The following TMTC3 variants were observed in gnomAD, a reference collection of about 807,000 sequenced individuals.
TMTC3 encodes the protein transmembrane O-mannosyltransferase targeting cadherins 3, also known as protein O-mannosyl-transferase TMTC3.
Under a neutral mutation model 92.2 loss-of-function variants are expected in TMTC3, and 52 were observed. The observed-to-expected ratio is 0.56, with a 90% CI of 0.45 to 0.71. TMTC3 has a LOEUF of 0.71. Ranked by LOEUF, TMTC3 falls within the 30% of genes least tolerant of loss-of-function variation. The pLI, the probability that TMTC3 is intolerant of heterozygous loss-of-function variation, is 0.00. For synonymous variants in TMTC3, 339 were observed against 363.3 expected (o/e 0.93, Z 0.76); for missense variants, 896 against 1,057.1 (o/e 0.85, Z 2.11).
chr12:88,155,423 G>A (rs2040995577), intron 4 of TMTC3, among the ~76,000 whole-genome samples: 1 of 152,130 alleles, frequency 6.6e-6, no homozygotes, highest in African/African-American at 2.4e-5. Context: ...AAGCCTGAAT[G>A]GTAAAGTTAG....
intron 2 of TMTC3, among the ~76,000 whole-genome samples, chr12:88,150,353 C>T (rs1359798988): frequency 6.6e-6 from 1 of 152,148 alleles, no homozygotes; most frequent in Admixed American, 6.5e-5. Context: ...AGGAAATCCA[C>T]CCTAATAATC....
intron 1 of TMTC3, among the ~76,000 whole-genome samples, chr12:88,146,591 TTGTGTGTG>T (rs147128254): frequency 7.0e-6 from 1 of 143,070 alleles, no homozygotes; most frequent in African/African-American, 2.5e-5. Context: ...ACCTATATAT[TTGTGTGTG>T]TGTGTGTGTG....
chr12:88,169,314 C>A lies in TMTC3; in HGVS notation c.1050+2732C>A, dbSNP rs546830367. 9.9e-5 allele frequency among the ~76,000 whole-genome samples: 15 copies of A among 151,908 alleles called. No homozygotes were observed. In the East Asian group the frequency reaches 2.7e-3, roughly 28 times the overall value. ...AAAAGAAATAAACGGTAGAATACATCTAAAGCTGGAGTTTTCCTAAAAGAA... is the reference window on the plus strand; with the variant it reads ...AAAAGAAATAAACGGTAGAATACATATAAAGCTGGAGTTTTCCTAAAAGAA... On this transcript the variant is annotated intron_variant, in intron 7 of 13. Coordinates refer to ENST00000266712, the MANE Select transcript of TMTC3 (RefSeq NM_181783.4).
At chr12:88,183,124 A>C (rs890391442) in intron 10 of TMTC3, among the ~76,000 whole-genome samples, 1 of 152,016 alleles carries the variant, frequency 6.6e-6, no homozygotes, top group African/African-American at 2.4e-5. Flanking sequence ...TTGCTCCTCA[A>C]CTAATTCATG....
intron 1 of TMTC3, among the ~76,000 whole-genome samples, chr12:88,145,374 A>G (rs529029104): frequency 1.3e-5 from 2 of 152,208 alleles, no homozygotes; most frequent in Non-Finnish European, 2.9e-5. Flanking sequence ...AAGGCAAAAC[A>G]ATTTGCCTTA....
intron 8 of TMTC3, 186 bp downstream of exon 8, chr12:88,172,931 G>A (rs1371242294): frequency 1.8e-5 from 27 of 1,488,208 alleles, no homozygotes; most frequent in Non-Finnish European, 2.2e-5. Context: ...CTTATTCTGT[G>A]TTCTTCCCTA....
At chr12:88,176,068 T>C (rs2041255647) in intron 9 of TMTC3, 140 bp from the exon 10 acceptor site, 1 of 561,098 alleles carries the variant, frequency 1.8e-6, no homozygotes. Flanking sequence ...GGTGAAGCAG[T>C]CTTTATTTGA....
At chr12:88,159,658 G>A (rs1246734174) in intron 4 of TMTC3, among the ~76,000 whole-genome samples, 1 of 146,768 alleles carries the variant, frequency 6.8e-6, no homozygotes. Flanking sequence ...GCCAGACCCT[G>A]TCTTAAAAAA....
chr12:88,167,934 A>G (rs754471044), intron 7 of TMTC3, among the ~76,000 whole-genome samples: 2 of 152,178 alleles, frequency 1.3e-5, no homozygotes, highest in African/African-American at 2.4e-5. Flanking sequence ...GGTTTTGTCA[A>G]TTCTGTCAAA....
At chr12:88,164,027 T>C (rs1013007506) in intron 6 of TMTC3, among the ~76,000 whole-genome samples, 1 of 151,808 alleles carries the variant, frequency 6.6e-6, no homozygotes, top group Non-Finnish European at 1.5e-5. Context: ...ACCTCATCTC[T>C]ACTAAAAATA....
chr12:88,153,292 A>G lies in TMTC3; in HGVS notation c.191A>G (p.Glu64Gly). The stretch of plus-strand genomic sequence containing the variant: ...TCACTGATCGTTTTTTCCTTGTAGG[A>G]GAGAAGCCACAAGTCTTACCGTCCC... ...NDFWGTPMSE[E>G]RSHKSYRPLT... The change falls in exon 3 of 14, where the codon GAG becomes GGG. Residue 64 changes from glutamate (E) to glycine (G), a missense_variant and splice_region_variant. Coordinates refer to ENST00000266712, the MANE Select transcript of TMTC3 (RefSeq NM_181783.4). 6.2e-7 allele frequency: 1 copy of G among 1,605,424 alleles called. No homozygotes were observed. The highest frequency in any genetic ancestry group is 8.5e-7 in the Non-Finnish European group (1 of 1,176,390).
chr12:88,190,361 CTGAGT>C, intron 11 of TMTC3, 87 bp from the exon 12 acceptor site: 2 of 1,160,706 alleles, frequency 1.7e-6, no homozygotes, highest in Non-Finnish European at 2.5e-6. Context: ...ACAGTATGTT[CTGAGT>C]TATTTTGAAT....
At chr12:88,194,250 T>C (rs1386293743) in intron 13 of TMTC3, among the ~76,000 whole-genome samples, 1 of 152,080 alleles carries the variant, frequency 6.6e-6, no homozygotes, top group Non-Finnish European at 1.5e-5. Context: ...GTTTCCTAAA[T>C]CCTAATTTTA....
rs373889928 is a variant in TMTC3 at position 88,162,931 on chromosome 12, G to T, written c.797+2080G>T. 5.7e-3 allele frequency among the ~76,000 whole-genome samples: 395 copies of T among 69,516 alleles called. 5 individuals carry two copies. The highest frequency in any genetic ancestry group is 7.8e-3 in the Non-Finnish European group (249 of 31,732). 45.6% of individuals were successfully genotyped at this position (69,516 alleles called of 152,430 possible). A position where few individuals can be genotyped will look rare whatever the true frequency, so the allele number is the denominator to read the frequency against. ...TTTTTTCTTTCTTCTTTTTTTTTTT[G>T]AGATTAGAGTTTCGCTTTTGTTGCC... On this transcript the variant is annotated intron_variant, in intron 6 of 13. Transcript: ENST00000266712.
At chr12:88,162,885 G>A (rs1018158325) in intron 6 of TMTC3, among the ~76,000 whole-genome samples, 3 of 149,954 alleles carry the variant, frequency 2.0e-5, no homozygotes, top group Non-Finnish European at 4.4e-5. Flanking sequence ...CTTGGAAAAT[G>A]TTTTATCTTT....
At chr12:88,148,592 A>G (rs1055625310) in intron 2 of TMTC3, 88 bp downstream of exon 2, 1 of 984,264 alleles carries the variant, frequency 1.0e-6, no homozygotes, top group Non-Finnish European at 1.5e-6. Flanking sequence ...TATCAACATT[A>G]TCATCACAAC....
chr12:88,150,659 G>T (rs1321415942), intron 2 of TMTC3, among the ~76,000 whole-genome samples: 3 of 152,132 alleles, frequency 2.0e-5, no homozygotes, highest in African/African-American at 7.2e-5. Context: ...TTCTCTCCCT[G>T]AAGGCAAATG....
intron 10 of TMTC3, among the ~76,000 whole-genome samples, 196 bp from the exon 11 acceptor site, chr12:88,188,647 C>A (rs2041405612): frequency 6.6e-6 from 1 of 152,128 alleles, no homozygotes; most frequent in Non-Finnish European, 1.5e-5. Context: ...AGTTAAATTA[C>A]AAGAACTTTA....
At chr12:88,173,162 T>C (rs2041223869) in intron 8 of TMTC3, 1 of 1,093,392 alleles carries the variant, frequency 9.1e-7, no homozygotes, top group Admixed American at 3.4e-5. Flanking sequence ...ATCATCACTA[T>C]CTTCATTATA....
Sources: allele counts gnomAD v4.1 joint callset (sites outside exome capture counted in the v4.1 genomes callset), GRCh38; gene constraint gnomAD v4.1.1; transcripts MANE v1.5; gene names NCBI Gene and HGNC (gene_info 2026-07-23, HGNC 2026-07-21).